ATP1B3: variants seen among roughly 807,000 people sequenced by gnomAD.
The protein encoded by ATP1B3 is sodium/potassium-transporting ATPase subunit beta-3.
A neutral mutation model predicts 30.2 loss-of-function variants in ATP1B3; 10 were observed. The ratio of observed to expected loss-of-function variants is 0.33; its 90% confidence interval spans 0.20 to 0.56. ATP1B3 has a LOEUF of 0.56. Among genes scored for constraint, ATP1B3 ranks in the 20% least tolerant of loss-of-function variants. ATP1B3 has a pLI of 0.90. For synonymous variants in ATP1B3, 113 were observed against 117.0 expected (o/e 0.97, Z 0.22); for missense variants, 238 against 336.7 (o/e 0.71, Z 2.29).
At chr3:141,890,086 CTTTTTTTTTT>C (rs1245235657) in intron 1 of ATP1B3, among the ~76,000 whole-genome samples, 1 of 107,550 alleles carries the variant, frequency 9.3e-6, no homozygotes, top group African/African-American at 3.7e-5. Flanking sequence ...AATTTTTTTT[CTTTTTTTTTT>C]TTTTTTTTTT....
At chr3:141,887,496 C>G (rs569089774) in intron 1 of ATP1B3, among the ~76,000 whole-genome samples, 1 of 152,088 alleles carries the variant, frequency 6.6e-6, no homozygotes, top group African/African-American at 2.4e-5. Context: ...CATAAAGGTC[C>G]GGCAGTGTCT....
At chr3:141,895,282 G>A (rs1039976268) in intron 1 of ATP1B3, among the ~76,000 whole-genome samples, 1 of 149,774 alleles carries the variant, frequency 6.7e-6, no homozygotes, top group Admixed American at 6.7e-5. Context: ...TCTGCCTCCC[G>A]TGTTCAAGCA....
At chr3:141,884,532 G>A (rs755641633) in intron 1 of ATP1B3, among the ~76,000 whole-genome samples, 1 of 152,146 alleles carries the variant, frequency 6.6e-6, no homozygotes, top group Admixed American at 6.5e-5. Context: ...TGTCTGTGAG[G>A]GTGTTGCCAA....
At chr3:141,916,233 G>C (rs193160356) in intron 5 of ATP1B3, 1 of 535,754 alleles carries the variant, frequency 1.9e-6, no homozygotes, top group Non-Finnish European at 3.4e-6. Flanking sequence ...TGCACACATT[G>C]CCTTTATTTT....
At chr3:141,913,226 A>G (rs1347071038) in intron 3 of ATP1B3, among the ~76,000 whole-genome samples, 7 of 150,774 alleles carry the variant, frequency 4.6e-5, no homozygotes, top group Non-Finnish European at 4.4e-5. Context: ...GTAGGTTGTC[A>G]TAACACTACA....
intron 3 of ATP1B3, among the ~76,000 whole-genome samples, chr3:141,908,337 G>C (rs773384845): frequency 2.9e-4 from 44 of 152,002 alleles, no homozygotes; most frequent in Non-Finnish European, 4.3e-4. Flanking sequence ...AGTAATCATC[G>C]AATGTCCTGG....
chr3:141,912,903 C>T (rs971695911), intron 3 of ATP1B3, among the ~76,000 whole-genome samples: 5 of 152,182 alleles, frequency 3.3e-5, no homozygotes, highest in Non-Finnish European at 7.3e-5. Context: ...CTCACCTGGG[C>T]GGCTTTAATA....
intron 1 of ATP1B3, among the ~76,000 whole-genome samples, chr3:141,890,077 AT>A (rs1168391065): frequency 2.5e-5 from 3 of 118,766 alleles, no homozygotes; most frequent in African/African-American, 3.4e-5. Context: ...CTGTAATCTA[AT>A]TTTTTTTCTT....
Position 141,922,123 on chromosome 3 carries a change from G to A in ATP1B3, c.669+60G>A, listed in dbSNP as rs72988241. ...CTTTTGGGAAGCTGGAGCATGTGTT[G>A]ACGTACCACTTGTCTGGGGTAGGTA... On this transcript the variant is annotated intron_variant, in intron 6 of 6. Transcript: ENST00000286371. 6.9e-6 allele frequency: 7 copies of A among 1,018,154 alleles called. No homozygotes were observed. The African/African-American group carries it at 9.8e-5, about 14-fold the overall frequency. The allele number at this position is 1,018,154 out of a possible 1,614,324, so 63.1% of individuals were successfully genotyped here. A position where few individuals can be genotyped will look rare whatever the true frequency, so the allele number is the denominator to read the frequency against.
chr3:141,890,906 G>A (rs1933939397), intron 1 of ATP1B3, among the ~76,000 whole-genome samples: 1 of 152,116 alleles, frequency 6.6e-6, no homozygotes, highest in African/African-American at 2.4e-5. Context: ...AGGAAATTTT[G>A]ATACACTTTG....
At chr3:141,916,084 A>G in intron 5 of ATP1B3, 64 bp downstream of exon 5, 1 of 1,428,212 alleles carries the variant, frequency 7.0e-7, no homozygotes, top group Non-Finnish European at 9.7e-7. Context: ...TTAAAAGTCT[A>G]ATGATTTAGT....
intron 1 of ATP1B3, among the ~76,000 whole-genome samples, chr3:141,892,590 G>C (rs1933975395): frequency 7.0e-6 from 1 of 143,862 alleles, no homozygotes; most frequent in Non-Finnish European, 1.5e-5. Context: ...CTGGGAGGCA[G>C]AGGCTGCAGC....
chr3:141,902,848 A>T (rs569491610), intron 1 of ATP1B3: 1 of 152,408 alleles, frequency 6.6e-6, no homozygotes, highest in East Asian at 1.9e-4. Context: ...CTGTCTTCAT[A>T]AGTTGGCCTT....
In ATP1B3 at chr3:141,879,944, T is replaced by G. The variant is rs75133723; in HGVS notation, c.109+3034T>G. ...TGGGAGAAAAAGATTATGTATTTGT[T>G]GTAGGGGGTGGAAGGAAAAAAAATC... On this transcript the variant is annotated intron_variant, in intron 1 of 6. Coordinates refer to ENST00000286371, the MANE Select transcript of ATP1B3 (RefSeq NM_001679.4). 4.2e-3 allele frequency among the ~76,000 whole-genome samples: 633 copies of G among 151,748 alleles called. 4 individuals carry two copies. Among genetic ancestry groups the G allele is most frequent in the African/African-American group, 0.015 (604 of 41,366 alleles).
intron 1 of ATP1B3, among the ~76,000 whole-genome samples, chr3:141,878,436 G>A (rs977680711): frequency 6.6e-6 from 1 of 152,202 alleles, no homozygotes; most frequent in Non-Finnish European, 1.5e-5. Context: ...TTTTGCTGAA[G>A]AAATTTTTGA....
chr3:141,892,667 A>AAC (rs1395068250), intron 1 of ATP1B3, among the ~76,000 whole-genome samples: 1 of 151,592 alleles, frequency 6.6e-6, no homozygotes, highest in Non-Finnish European at 1.5e-5. Flanking sequence ...AAAAAAAAAA[A>AAC]AAAAAAAAAC....
chr3:141,920,040 C>T (rs1035844486), intron 5 of ATP1B3, among the ~76,000 whole-genome samples: 3 of 152,158 alleles, frequency 2.0e-5, no homozygotes, highest in Admixed American at 2.0e-4. Context: ...TAATATTTTA[C>T]AATTTCTAAA....
At chr3:141,876,978 G>A (rs1577952622) in intron 1 of ATP1B3, 68 bp downstream of exon 1, 1 of 1,255,436 alleles carries the variant, frequency 8.0e-7, no homozygotes, top group Non-Finnish European at 1.1e-6. Flanking sequence ...CGGTCTGGTG[G>A]GAACGGAAAG....
chr3:141,898,867 T>C (rs1021022862), intron 1 of ATP1B3, among the ~76,000 whole-genome samples: 1 of 152,230 alleles, frequency 6.6e-6, no homozygotes, highest in African/African-American at 2.4e-5. Context: ...CAATAAAATA[T>C]TGTATATCCA....
Sources: gnomAD v4.1 joint callset for allele counts (sites outside exome capture counted in the v4.1 genomes callset) on GRCh38, gnomAD v4.1.1 for gene constraint, MANE v1.5 for transcripts, NCBI Gene and HGNC (gene_info 2026-07-23, HGNC 2026-07-21) for gene names.